The following BAALC variants were observed in gnomAD, a reference collection of about 807,000 sequenced individuals.
BAALC encodes the protein brain and acute leukemia cytoplasmic protein.
A neutral mutation model predicts 15.5 loss-of-function variants in BAALC; 9 were observed. That is an observed-to-expected ratio of 0.58 (90% CI 0.35 to 1.02). The LOEUF (loss-of-function observed/expected upper bound fraction) is 1.02. Among genes scored for constraint, BAALC ranks in the 50% least tolerant of loss-of-function variants. BAALC has a pLI of 0.02. For synonymous variants in BAALC, 80 were observed against 74.6 expected (o/e 1.07, Z -0.37); for missense variants, 201 against 192.4 (o/e 1.04, Z -0.27).
intron 2 of BAALC, among the ~76,000 whole-genome samples, chr8:103,223,548 A>T (rs1208448889): frequency 6.6e-6 from 1 of 152,138 alleles, no homozygotes; most frequent in Non-Finnish European, 1.5e-5. Flanking sequence ...TCTGGCCCCA[A>T]AGTTTGTGCT....
At chr8:103,141,921 C>A (rs1033802133) in intron 1 of BAALC, among the ~76,000 whole-genome samples, 1 of 152,090 alleles carries the variant, frequency 6.6e-6, no homozygotes, top group Non-Finnish European at 1.5e-5. Flanking sequence ...GTAATTATAG[C>A]GCAGAGATGC....
chr8:103,168,961 GTGT>G (rs1206355371), intron 1 of BAALC, among the ~76,000 whole-genome samples: 1 of 151,936 alleles, frequency 6.6e-6, no homozygotes, highest in African/African-American at 2.4e-5. Flanking sequence ...GGTTTTCAAG[GTGT>G]TGTTGACAAG....
At chr8:103,187,030 A>T (rs966250499) in intron 1 of BAALC, among the ~76,000 whole-genome samples, 8 of 152,136 alleles carry the variant, frequency 5.3e-5, no homozygotes, top group African/African-American at 1.9e-4. Flanking sequence ...CTTACAGGTA[A>T]TATCGGCCAC....
intron 1 of BAALC, among the ~76,000 whole-genome samples, chr8:103,156,261 C>G (rs554641127): frequency 6.6e-6 from 1 of 152,174 alleles, no homozygotes; most frequent in Non-Finnish European, 1.5e-5. Context: ...TCTAGAATAA[C>G]GAACAGACAA....
chr8:103,174,249 T>C (rs886827933), intron 1 of BAALC, among the ~76,000 whole-genome samples: 3 of 133,668 alleles, frequency 2.2e-5, no homozygotes, highest in Non-Finnish European at 4.7e-5. Flanking sequence ...GGGAAACCTC[T>C]GGCAAAGCAC....
chr8:103,187,026 G>A (rs1296837881), intron 1 of BAALC, among the ~76,000 whole-genome samples: 4 of 152,144 alleles, frequency 2.6e-5, no homozygotes, highest in Non-Finnish European at 5.9e-5. Context: ...GGCTCTTACA[G>A]GTAATATCGG....
chr8:103,155,841 G>A (rs920333051), intron 1 of BAALC, among the ~76,000 whole-genome samples: 25 of 152,170 alleles, frequency 1.6e-4, no homozygotes, highest in African/African-American at 5.3e-4. Context: ...AATTTCGTGG[G>A]TCTGGGGTGG....
chr8:103,172,741 C>G (rs1811525837), intron 1 of BAALC, among the ~76,000 whole-genome samples: 1 of 152,172 alleles, frequency 6.6e-6, no homozygotes, highest in Non-Finnish European at 1.5e-5. Context: ...TATCCCCAAG[C>G]TCCAGTTTCC....
At chr8:103,180,625 C>T (rs977231705) in intron 1 of BAALC, among the ~76,000 whole-genome samples, 5 of 152,116 alleles carry the variant, frequency 3.3e-5, no homozygotes, top group Admixed American at 6.5e-5. Flanking sequence ...AAACAGGGAC[C>T]AGAAGGATGT....
At chr8:103,227,202 T>C (rs961176375) in intron 2 of BAALC, among the ~76,000 whole-genome samples, 1 of 152,154 alleles carries the variant, frequency 6.6e-6, no homozygotes, top group African/African-American at 2.4e-5. Flanking sequence ...TGTGTATTTG[T>C]GATAATCTCA....
intron 1 of BAALC, among the ~76,000 whole-genome samples, chr8:103,158,577 T>G (rs1811152026): frequency 6.6e-6 from 1 of 152,170 alleles, no homozygotes; most frequent in Admixed American, 6.5e-5. Context: ...GTAAGCACCA[T>G]GATACCTGGA....
chr8:103,222,376 A>G (rs1268443955), intron 2 of BAALC, among the ~76,000 whole-genome samples: 1 of 152,224 alleles, frequency 6.6e-6, no homozygotes, highest in African/African-American at 2.4e-5. Flanking sequence ...ATTTTGGGGT[A>G]AAACATTTTG....
chr8:103,185,363 C>T (rs1352029654), intron 1 of BAALC, among the ~76,000 whole-genome samples: 1 of 152,106 alleles, frequency 6.6e-6, no homozygotes. Flanking sequence ...TCCTACTTTT[C>T]TATTTTTTTC....
At chr8:103,213,849 A>G (rs969982038) in intron 2 of BAALC, among the ~76,000 whole-genome samples, 2 of 152,126 alleles carry the variant, frequency 1.3e-5, no homozygotes, top group African/African-American at 4.8e-5. Flanking sequence ...TCTTCTGTCA[A>G]AATTATACTG....
In BAALC at chr8:103,228,131, T is replaced by C; in HGVS notation, c.*32T>C. 1 of 1,411,590 alleles carries C rather than the reference T, an allele frequency of 7.1e-7. No individual in the cohort carries two copies. Among genetic ancestry groups the C allele is most frequent in the Non-Finnish European group, 1.0e-6 (1 of 998,232 alleles). 87.4% of individuals were successfully genotyped at this position (1,411,590 alleles called of 1,614,324 possible). On this transcript the variant is annotated 3_prime_UTR_variant, in exon 3 of 3. Transcript: ENST00000309982. ...GTCCAAGCAGAAGGGCAGATGGACT[T>C]CTTCAGTGTCCTTCACGGCACTGGA... is the stretch of plus-strand genomic sequence containing the variant.
At chr8:103,180,580 G>A (rs1013386780) in intron 1 of BAALC, among the ~76,000 whole-genome samples, 11 of 152,294 alleles carry the variant, frequency 7.2e-5, no homozygotes, top group East Asian at 3.9e-4. Context: ...CCCTTGCCTC[G>A]TTCCTCGTGA....
intron 1 of BAALC, among the ~76,000 whole-genome samples, chr8:103,178,663 C>G (rs1369832961): frequency 3.3e-5 from 5 of 152,214 alleles, no homozygotes; most frequent in African/African-American, 1.2e-4. Context: ...TCAAGACCAG[C>G]CTGGCCAACA....
intron 2 of BAALC, among the ~76,000 whole-genome samples, chr8:103,223,340 C>T (rs1030004028): frequency 1.3e-5 from 2 of 152,082 alleles, no homozygotes; most frequent in African/African-American, 2.4e-5. Context: ...AACTTATCGG[C>T]CCTGGATAAA....
In BAALC at chr8:103,212,966, G is replaced by A. The variant is rs995792370; in HGVS notation, c.208G>A (p.Ala70Thr). 2 of 1,614,086 alleles carry A rather than the reference G, an allele frequency of 1.2e-6. No homozygotes were observed. The highest frequency in any genetic ancestry group is 8.5e-7 in the Non-Finnish European group (1 of 1,179,978). Residue 70 changes from alanine to threonine, a missense_variant, in exon 2 of 3, where the codon GCC becomes ACC. Ala to Thr is a moderately conservative substitution (Grantham distance 58). Coordinates refer to ENST00000309982, the MANE Select transcript of BAALC (RefSeq NM_024812.3). ...LPSNGVPRSTAPGGIPNPEKK... is the reference protein window; with the variant it reads ...LPSNGVPRSTTPGGIPNPEKK... ...CTCCAATGGTGTGCCCCGATCTACA[G>A]CCCCAGGTGGAATACCCAACCCAGA...
Sources: gnomAD v4.1 joint callset for allele counts (sites outside exome capture counted in the v4.1 genomes callset) on GRCh38, gnomAD v4.1.1 for gene constraint, MANE v1.5 for transcripts, NCBI Gene and HGNC (gene_info 2026-07-23, HGNC 2026-07-21) for gene names.